The following KHDRBS2 variants were observed in gnomAD, a reference collection of about 807,000 sequenced individuals.
KHDRBS2 encodes the protein KH domain-containing, RNA-binding, signal transduction-associated protein 2.
Under a neutral mutation model 44.3 loss-of-function variants are expected in KHDRBS2, and 26 were observed. The observed-to-expected ratio is 0.59, with a 90% confidence interval of 0.43 to 0.81. The LOEUF is 0.81. Among genes scored for constraint, KHDRBS2 ranks in the 40% least tolerant of loss-of-function variants. The pLI, the probability that KHDRBS2 is intolerant of heterozygous loss-of-function variation, is 0.00. For missense variants in KHDRBS2, 476 were observed against 433.1 expected (o/e 1.10, Z -0.88); for synonymous variants, 194 against 151.1 (o/e 1.28, Z -2.08).
chr6:62,013,645 C>A (rs1780701492), intron 3 of KHDRBS2, among the ~76,000 whole-genome samples: 1 of 152,124 alleles, frequency 6.6e-6, no homozygotes, highest in African/African-American at 2.4e-5. Context: ...AACTAACACT[C>A]AGTCAGACAC....
At chr6:62,075,952 T>A (rs1023424062) in intron 2 of KHDRBS2, among the ~76,000 whole-genome samples, 1 of 151,742 alleles carries the variant, frequency 6.6e-6, no homozygotes, top group Non-Finnish European at 1.5e-5. Flanking sequence ...TTTTGATCAA[T>A]TTGAATGTAG....
intron 3 of KHDRBS2, among the ~76,000 whole-genome samples, chr6:62,017,271 T>C (rs1218610180): frequency 6.6e-5 from 10 of 152,082 alleles, no homozygotes; most frequent in African/African-American, 2.4e-4. Context: ...TAGACAGGAA[T>C]TGATTAAATG....
chr6:61,596,311 A>T, the KHDRBS2 span, among the ~76,000 whole-genome samples: 1 of 152,240 alleles, frequency 6.6e-6, no homozygotes, highest in African/African-American at 2.4e-5. Flanking sequence ...CCAAAATCTG[A>T]TCAATAGTCC....
At chr6:61,957,890 C>A (rs545580227) in intron 4 of KHDRBS2, among the ~76,000 whole-genome samples, 76 of 152,216 alleles carry the variant, frequency 5.0e-4, no homozygotes, top group Admixed American at 2.0e-3. Flanking sequence ...AACCTGCTGA[C>A]ATGTGATGTT....
chr6:61,983,243 T>TTTC lies in KHDRBS2; in HGVS notation c.337-5032_337-5031insGAA, dbSNP rs1465302733. Among the ~76,000 whole-genome samples the TTTC allele has an allele frequency of 8.9e-4, 121 of 136,476 alleles. 3 individuals carry two copies. The highest frequency in any genetic ancestry group is 1.7e-3 in the Non-Finnish European group (110 of 64,072). The allele number at this position is 136,476 out of a possible 152,430, so 89.5% of individuals were successfully genotyped here. On this transcript the variant is annotated intron_variant, in intron 3 of 8. Coordinates refer to ENST00000281156, the MANE Select transcript of KHDRBS2 (RefSeq NM_152688.4). Reference sequence around the variant, plus strand: ...TTCTTTCTTTCTTTCTTTCTTTTTTTTTTTTTTTTTTTTTATAGTGACTAA... The same window carrying TTTC: ...TTCTTTCTTTCTTTCTTTCTTTTTTTTTCTTTTTTTTTTTTTTATAGTGACTAA...
At chr6:61,604,215 C>G in the KHDRBS2 span, among the ~76,000 whole-genome samples, 1 of 152,174 alleles carries the variant, frequency 6.6e-6, no homozygotes, top group Non-Finnish European at 1.5e-5. Context: ...ATTAATACCT[C>G]TTTAATAAAA....
At chr6:61,553,651 A>G in the KHDRBS2 span, among the ~76,000 whole-genome samples, 1 of 151,894 alleles carries the variant, frequency 6.6e-6, no homozygotes, top group Non-Finnish European at 1.5e-5. Flanking sequence ...AGTGCTATAA[A>G]TTTCCCTCTT....
intron 2 of KHDRBS2, among the ~76,000 whole-genome samples, chr6:62,107,380 T>A (rs1381672098): frequency 2.6e-5 from 4 of 152,092 alleles, no homozygotes; most frequent in Admixed American, 1.3e-4. Flanking sequence ...GGAATCCAAC[T>A]TACAAGGGAC....
At chr6:61,749,891 G>T (rs1777411074) in intron 6 of KHDRBS2, among the ~76,000 whole-genome samples, 1 of 152,094 alleles carries the variant, frequency 6.6e-6, no homozygotes, top group Non-Finnish European at 1.5e-5. Context: ...AGTCTTTGAT[G>T]ATTAAAAGAC....
At chr6:61,612,339 C>T in the KHDRBS2 span, among the ~76,000 whole-genome samples, 2,432 of 152,220 alleles carry the variant, frequency 0.016, 67 homozygotes, top group African/African-American at 0.057. Flanking sequence ...GAAAGAAGAT[C>T]ATAAAGTCTA....
chr6:62,245,892 A>G (rs1835464650), intron 1 of KHDRBS2, among the ~76,000 whole-genome samples: 1 of 151,696 alleles, frequency 6.6e-6, no homozygotes, highest in African/African-American at 2.4e-5. Flanking sequence ...TTCATATTGT[A>G]TCTGCAGAGG....
chr6:61,768,876 G>C (rs116693410), intron 6 of KHDRBS2, among the ~76,000 whole-genome samples: 5 of 152,030 alleles, frequency 3.3e-5, no homozygotes, highest in Non-Finnish European at 5.9e-5. Flanking sequence ...TTCCTGCATA[G>C]AGAACAATTG....
chr6:61,785,928 T>C (rs547186035), intron 6 of KHDRBS2, among the ~76,000 whole-genome samples: 1 of 152,224 alleles, frequency 6.6e-6, no homozygotes, highest in East Asian at 1.9e-4. Context: ...TTCAGGCAAA[T>C]ATAGTCACTA....
intron 6 of KHDRBS2, among the ~76,000 whole-genome samples, chr6:61,890,361 C>T (rs1801630732): frequency 6.6e-6 from 1 of 152,032 alleles, no homozygotes; most frequent in Non-Finnish European, 1.5e-5. Flanking sequence ...AGAATATAAC[C>T]CTTTTCACCC....
chr6:61,560,031 C>T, the KHDRBS2 span, among the ~76,000 whole-genome samples: 2 of 152,060 alleles, frequency 1.3e-5, no homozygotes, highest in East Asian at 3.9e-4. Flanking sequence ...TTTGCTTGGG[C>T]AAATCTTTAT....
At chr6:62,213,118 TAAAC>T (rs1210745954) in intron 1 of KHDRBS2, among the ~76,000 whole-genome samples, 2 of 152,140 alleles carry the variant, frequency 1.3e-5, no homozygotes, top group African/African-American at 2.4e-5. Context: ...ATTCCAGAAA[TAAAC>T]AGAAGGGGAA....
chr6:62,116,946 T>G (rs1157020029), intron 2 of KHDRBS2, among the ~76,000 whole-genome samples: 1 of 152,222 alleles, frequency 6.6e-6, no homozygotes, highest in Non-Finnish European at 1.5e-5. Flanking sequence ...TATGGCTGAA[T>G]AACAATTTAT....
chr6:62,242,076 TG>T (rs1311177549), intron 1 of KHDRBS2, among the ~76,000 whole-genome samples: 9 of 152,106 alleles, frequency 5.9e-5, no homozygotes, highest in African/African-American at 2.2e-4. Flanking sequence ...CACTTTACTT[TG>T]AAAAAGAAAA....
intron 6 of KHDRBS2, among the ~76,000 whole-genome samples, chr6:61,890,556 T>A (rs985815424): frequency 4.6e-5 from 7 of 152,150 alleles, no homozygotes; most frequent in African/African-American, 1.7e-4. Flanking sequence ...ACCTGAAAAG[T>A]TTTTCTCTCT....
Sources: gnomAD v4.1 joint callset for allele counts (sites outside exome capture counted in the v4.1 genomes callset) on GRCh38, gnomAD v4.1.1 for gene constraint, MANE v1.5 for transcripts, NCBI Gene and HGNC (gene_info 2026-07-23, HGNC 2026-07-21) for gene names.